Variants in NEGR1 observed in about 807,000 individuals in gnomAD.
NEGR1 encodes IgLON family member 4.
Under a neutral mutation model 40.9 loss-of-function variants are expected in NEGR1, and 10 were observed. That is an observed-to-expected ratio of 0.24 (90% CI 0.15 to 0.42). The LOEUF (loss-of-function observed/expected upper bound fraction) is 0.42. Ranked by LOEUF, NEGR1 falls within the 10% of genes least tolerant of loss-of-function variation. NEGR1 has a pLI of 1.00. For missense variants in NEGR1, 352 were observed against 438.9 expected (o/e 0.80, Z 1.77); for synonymous variants, 185 against 166.8 (o/e 1.11, Z -0.84).
intron 1 of NEGR1, among the ~76,000 whole-genome samples, chr1:72,258,031 C>A (rs1655331987): frequency 6.6e-6 from 1 of 152,072 alleles, no homozygotes; most frequent in Non-Finnish European, 1.5e-5. Flanking sequence ...CCAAAAGGAT[C>A]ACAGATATTC....
intron 4 of NEGR1, among the ~76,000 whole-genome samples, chr1:71,689,775 GGC>G (rs1653189174): frequency 6.7e-6 from 1 of 150,104 alleles, no homozygotes; most frequent in African/African-American, 2.4e-5. Context: ...CGAATAATAT[GGC>G]AGTCACAAAT....
chr1:72,003,587 A>C (rs961490580), intron 1 of NEGR1, among the ~76,000 whole-genome samples: 3 of 150,090 alleles, frequency 2.0e-5, no homozygotes, highest in Non-Finnish European at 4.4e-5. Flanking sequence ...GGAATCTAGG[A>C]AGTTATCAGA....
intron 1 of NEGR1, among the ~76,000 whole-genome samples, chr1:72,116,454 G>A (rs556447646): frequency 1.3e-5 from 2 of 151,730 alleles, no homozygotes; most frequent in East Asian, 3.9e-4. Context: ...TTAGCACTCT[G>A]GATTTCCTTA....
intron 2 of NEGR1, among the ~76,000 whole-genome samples, chr1:71,839,972 G>A (rs1162472970): frequency 6.6e-6 from 1 of 152,026 alleles, no homozygotes; most frequent in Non-Finnish European, 1.5e-5. Flanking sequence ...TTAGAATAAT[G>A]GAAACATAAC....
intron 6 of NEGR1, among the ~76,000 whole-genome samples, chr1:71,408,150 T>C (rs1172576911): frequency 1.3e-5 from 2 of 151,970 alleles, no homozygotes; most frequent in Non-Finnish European, 2.9e-5. Flanking sequence ...AGATTTCAAA[T>C]ACAGTTTTAC....
At chr1:72,087,897 G>A (rs548548397) in intron 1 of NEGR1, among the ~76,000 whole-genome samples, 207 of 151,890 alleles carry the variant, frequency 1.4e-3, no homozygotes, top group Middle Eastern at 6.8e-3. Flanking sequence ...CCCTGCCAGA[G>A]CATAACTGCA....
intron 1 of NEGR1, among the ~76,000 whole-genome samples, chr1:71,949,140 C>T (rs1646047015): frequency 6.6e-6 from 1 of 152,098 alleles, no homozygotes; most frequent in Admixed American, 6.6e-5. Flanking sequence ...TTTTTCTCAA[C>T]CTTCACATTT....
At chr1:72,076,061 T>C (rs1342297567) in intron 1 of NEGR1, among the ~76,000 whole-genome samples, 1 of 152,192 alleles carries the variant, frequency 6.6e-6, no homozygotes, top group African/African-American at 2.4e-5. Flanking sequence ...TGTTTATAAA[T>C]ATCGATAACC....
At chr1:71,597,976 G>A (rs372834984) in intron 5 of NEGR1, among the ~76,000 whole-genome samples, 3 of 152,062 alleles carry the variant, frequency 2.0e-5, no homozygotes, top group African/African-American at 4.8e-5. Flanking sequence ...GTGAAAAATC[G>A]ACACACAGAA....
intron 2 of NEGR1, among the ~76,000 whole-genome samples, chr1:71,832,723 T>C (rs756141155): frequency 7.2e-5 from 11 of 151,992 alleles, no homozygotes; most frequent in Non-Finnish European, 1.3e-4. Flanking sequence ...CTTTAACAAA[T>C]CACAAAGTCA....
chr1:72,159,266 G>A (rs17092402), intron 1 of NEGR1, among the ~76,000 whole-genome samples: 140 of 152,158 alleles, frequency 9.2e-4, no homozygotes, highest in African/African-American at 3.2e-3. Flanking sequence ...TTGCCGTTCC[G>A]TAACCTCTAT....
chr1:71,608,425 A>G (rs573545902), intron 5 of NEGR1, among the ~76,000 whole-genome samples: 1 of 150,754 alleles, frequency 6.6e-6, no homozygotes, highest in South Asian at 2.1e-4. Flanking sequence ...TGAAGCTATG[A>G]TTGTGGGCAC....
At chr1:71,417,685 T>G (rs1646365312) in intron 6 of NEGR1, among the ~76,000 whole-genome samples, 1 of 152,206 alleles carries the variant, frequency 6.6e-6, no homozygotes, top group Non-Finnish European at 1.5e-5. Context: ...CTCAGTTTTC[T>G]CAGTTGAACA....
intron 2 of NEGR1, among the ~76,000 whole-genome samples, chr1:71,915,547 C>T (rs1379270667): frequency 6.6e-6 from 1 of 152,080 alleles, no homozygotes; most frequent in Non-Finnish European, 1.5e-5. Flanking sequence ...GTTCTTAACA[C>T]ATTTCATTTC....
intron 2 of NEGR1, among the ~76,000 whole-genome samples, chr1:71,898,898 AAT>A (rs1258539926): frequency 1.5e-4 from 20 of 136,458 alleles, no homozygotes; most frequent in South Asian, 2.3e-4. Flanking sequence ...ATATATTGCA[AAT>A]ATATATATAT....
intron 1 of NEGR1, among the ~76,000 whole-genome samples, chr1:72,156,998 C>T (rs369272690): frequency 1.0e-3 from 153 of 151,910 alleles, no homozygotes; most frequent in African/African-American, 3.6e-3. Flanking sequence ...AGTGTCTCTC[C>T]GTTATCCAGG....
intron 2 of NEGR1, among the ~76,000 whole-genome samples, chr1:71,814,934 T>C (rs1249459824): frequency 2.0e-5 from 3 of 152,280 alleles, no homozygotes; most frequent in Admixed American, 2.0e-4. Context: ...TGGTTACTTC[T>C]TGTCTTCTGC....
At chr1:71,790,949 A>G (rs1247370274) in intron 2 of NEGR1, among the ~76,000 whole-genome samples, 2 of 152,042 alleles carry the variant, frequency 1.3e-5, no homozygotes, top group Non-Finnish European at 2.9e-5. Flanking sequence ...GTTGTTCGGG[A>G]CTGGCGATAG....
At chr1:71,862,110 TGTGAATAGTAATCA>T (rs1659965682) in intron 2 of NEGR1, among the ~76,000 whole-genome samples, 1 of 152,122 alleles carries the variant, frequency 6.6e-6, no homozygotes, top group Non-Finnish European at 1.5e-5. Context: ...TTTCTTCCAA[TGTGAATAGTAATCA>T]TCTTTCTGAA....
Sources: allele counts gnomAD v4.1 joint callset (sites outside exome capture counted in the v4.1 genomes callset), GRCh38; gene constraint gnomAD v4.1.1; transcripts MANE v1.5; gene names NCBI Gene and HGNC (gene_info 2026-07-23, HGNC 2026-07-21).